Variants in DSE observed in about 807,000 individuals in gnomAD.
DSE encodes the protein dermatan sulfate epimerase.
Under a neutral mutation model 84.4 loss-of-function variants are expected in DSE, and 36 were observed. The ratio of observed to expected loss-of-function variants is 0.43; its 90% CI spans 0.33 to 0.56. The LOEUF (loss-of-function observed/expected upper bound fraction) is 0.56. Ranked by LOEUF, DSE falls within the 20% of genes least tolerant of loss-of-function variation. DSE has a pLI of 0.06. For synonymous variants in DSE, 410 were observed against 430.1 expected (o/e 0.95, Z 0.58); for missense variants, 862 against 1,169.6 (o/e 0.74, Z 3.84).
At chr6:116,279,656 G>A in intron 2 of DSE, 2 of 1,606,386 alleles carry the variant, frequency 1.2e-6, no homozygotes. Context: ...GGAGGCGGGA[G>A]CGCGACGGTC....
intron 4 of DSE, chr6:116,432,515 T>C (rs913088026): frequency 2.0e-5 from 3 of 152,156 alleles, no homozygotes; most frequent in Non-Finnish European, 1.5e-5. Context: ...ACTAAATTAT[T>C]AGGAACAAAA....
At chr6:116,274,988 ATAAT>A (rs1435978039) in intron 2 of DSE, among the ~76,000 whole-genome samples, 3 of 152,364 alleles carry the variant, frequency 2.0e-5, no homozygotes, top group Admixed American at 1.3e-4. Context: ...CAAAATGAGG[ATAAT>A]TAATTTTTCA....
chr6:116,287,955 T>G (rs1412873003), intron 2 of DSE: 1 of 152,152 alleles, frequency 6.6e-6, no homozygotes, highest in Non-Finnish European at 1.5e-5. Context: ...TCACTATAAA[T>G]TAAATACTTT....
At chr6:116,410,813 A>G (rs888475333) in intron 2 of DSE, among the ~76,000 whole-genome samples, 15 of 151,362 alleles carry the variant, frequency 9.9e-5, no homozygotes, top group Admixed American at 8.6e-4. Flanking sequence ...ATGTCAAACC[A>G]GGAAGTCAAG....
chr6:116,346,549 G>C (rs1777982258), intron 2 of DSE, among the ~76,000 whole-genome samples: 1 of 152,104 alleles, frequency 6.6e-6, no homozygotes, highest in South Asian at 2.1e-4. Flanking sequence ...TGCAGAAAAG[G>C]CCTTTGACAA....
At chr6:116,368,290 A>G (rs1364171091), upstream of DSE, among the ~76,000 whole-genome samples, 2 of 152,212 alleles carry the variant, frequency 1.3e-5, no homozygotes, top group Non-Finnish European at 1.5e-5. Flanking sequence ...TCCTCAACTG[A>G]TAAGAATGTT....
intron 1 of DSE, among the ~76,000 whole-genome samples, chr6:116,392,465 T>C (rs1464221416): frequency 6.6e-6 from 1 of 152,170 alleles, no homozygotes; most frequent in Admixed American, 6.5e-5. Context: ...TAACTAACTA[T>C]GGGGCCCATC....
intron 2 of DSE, among the ~76,000 whole-genome samples, chr6:116,422,019 T>C (rs1783126477): frequency 6.6e-6 from 1 of 152,204 alleles, no homozygotes. Flanking sequence ...TTAATTTCAG[T>C]ATAGAATCTG....
At chr6:116,395,414 G>C (rs1781186360) in intron 1 of DSE, among the ~76,000 whole-genome samples, 1 of 148,560 alleles carries the variant, frequency 6.7e-6, no homozygotes, top group African/African-American at 2.5e-5. Context: ...GACAGAGCGA[G>C]ACTCCGTCTA....
chr6:116,364,047 C>A (rs1457182513), intron 2 of DSE, among the ~76,000 whole-genome samples: 1 of 152,184 alleles, frequency 6.6e-6, no homozygotes, highest in Non-Finnish European at 1.5e-5. Context: ...TAACAGTCCC[C>A]ATCTATGTTA....
chr6:116,290,307 A>G (rs1226088220), intron 2 of DSE, among the ~76,000 whole-genome samples: 1 of 152,164 alleles, frequency 6.6e-6, no homozygotes, highest in Non-Finnish European at 1.5e-5. Flanking sequence ...ATTCTTAGGC[A>G]GTGTTGGCTG....
chr6:116,413,168 G>A (rs1782491661), intron 2 of DSE, among the ~76,000 whole-genome samples: 1 of 152,076 alleles, frequency 6.6e-6, no homozygotes, highest in Non-Finnish European at 1.5e-5. Flanking sequence ...ACAAGCTGAT[G>A]CACACATAAC....
rs1282316227 is a variant in DSE at position 116,431,108 on chromosome 6, C to T, written c.825C>T (p.Leu275=). ...GATCACTCTTCCAATACATGTTTCT[C>T]GTCCAGAGGCACTTCAACATCAACC... is the stretch of plus-strand genomic sequence containing the variant. ...TTRSLFQYMF[L]VQRHFNINHF... The change falls in exon 4 of 6, where the codon CTC becomes CTT. Residue 275 remains leucine (L), a synonymous_variant. Transcript: ENST00000644252. The T allele has an allele frequency of 3.7e-6, 6 of 1,614,046 alleles. No homozygotes were observed. Among genetic ancestry groups the T allele is most frequent in the Middle Eastern group, 1.6e-4 (1 of 6,084 alleles).
intron 2 of DSE, among the ~76,000 whole-genome samples, chr6:116,425,612 TA>T (rs67769192): frequency 0.29 from 35,129 of 120,700 alleles, 4,949 homozygotes; most frequent in African/African-American, 0.35. Context: ...TTATTTTATT[TA>T]TTTTTATTTT....
rs897754162 is a variant in DSE at position 116,279,951 on chromosome 6, G to C, written c.-54+20984G>C. On this transcript the variant is annotated intron_variant, in intron 2 of 3. Coordinates refer to the DSE transcript ENST00000430252. ...TCACTAACATTTCAGCGGCGGTGTC[G>C]TCAGGACTGGAGATCTCACGGTATC... 11 of 1,419,226 alleles carry C rather than the reference G, an allele frequency of 7.8e-6. No individual in the cohort carries two copies. In the East Asian group the frequency reaches 1.4e-4, roughly 18 times the overall value. The allele number at this position is 1,419,226 out of a possible 1,614,324, so 87.9% of individuals were successfully genotyped here.
chr6:116,435,437 G>T (rs1027432828), intron 5 of DSE, 150 bp from the exon 6 acceptor site: 1 of 721,176 alleles, frequency 1.4e-6, no homozygotes, highest in African/African-American at 1.8e-5. Flanking sequence ...CATACTGGTT[G>T]TCCTTGGATA....
intron 1 of DSE, among the ~76,000 whole-genome samples, chr6:116,386,725 C>T (rs1319276554): frequency 6.6e-6 from 1 of 152,134 alleles, no homozygotes; most frequent in Admixed American, 6.5e-5. Context: ...CCCAAGGCCT[C>T]GAGTGTATAA....
At chr6:116,433,693 C>T in intron 5 of DSE, 143 bp downstream of exon 5, 1 of 881,192 alleles carries the variant, frequency 1.1e-6, no homozygotes, top group Non-Finnish European at 1.7e-6. Flanking sequence ...TATGAAGTTT[C>T]AATTCAACTC....
intron 2 of DSE, among the ~76,000 whole-genome samples, chr6:116,268,176 T>C (rs1772718532): frequency 1.3e-5 from 2 of 152,208 alleles, no homozygotes; most frequent in Non-Finnish European, 2.9e-5. Context: ...CATTTTAAAA[T>C]ATTTTATGCC....
Sources: allele counts gnomAD v4.1 joint callset (sites outside exome capture counted in the v4.1 genomes callset), GRCh38; gene constraint gnomAD v4.1.1; transcripts MANE v1.5; gene names NCBI Gene and HGNC (gene_info 2026-07-23, HGNC 2026-07-21).